The following MMP13 variants were observed in gnomAD, a reference collection of about 807,000 sequenced individuals.
MMP13 encodes the protein collagenase 3.
MMP13 carries 45 observed loss-of-function variants against 52.1 expected under a neutral mutation model. The observed-to-expected ratio is 0.86, with a 90% CI of 0.68 to 1.11. The LOEUF is 1.11. MMP13 is among the 50% of genes least tolerant of loss of function. The pLI, the probability that MMP13 is intolerant of heterozygous loss-of-function variation, is 0.00. For synonymous variants in MMP13, 200 were observed against 204.4 expected, an observed-to-expected ratio of 0.98 and a Z score of 0.18; for missense variants, 576 against 583.8, an observed-to-expected ratio of 0.99 and a Z score of 0.14.
In MMP13 at chr11:102,951,997, C is replaced by A. The variant is rs563747833; in HGVS notation, c.799+15G>T. 7 of 1,611,600 alleles carry A rather than the reference C, an allele frequency of 4.3e-6. No individual in the cohort carries two copies. The highest frequency in any genetic ancestry group is 5.9e-6 in the Non-Finnish European group (7 of 1,178,114). ...TTTTATAACTGATCATATTCTATTT[C>A]TATAACCGAGTTACCATAGAGAGAC... On this transcript the variant is annotated intron_variant, in intron 5 of 9. Coordinates refer to ENST00000260302, the MANE Select transcript of MMP13 (RefSeq NM_002427.4).
intron 4 of MMP13, among the ~76,000 whole-genome samples, chr11:102,953,857 T>G (rs1037356267): frequency 3.3e-5 from 5 of 152,184 alleles, no homozygotes; most frequent in African/African-American, 4.8e-5. Flanking sequence ...TGCCAAAAGG[T>G]AATTTGCAGT....
chr11:102,954,576 A>G lies in MMP13; in HGVS notation c.393T>C (p.His131=). The G allele has an allele frequency of 6.2e-7, 1 of 1,613,688 alleles. No individual in the cohort carries two copies. ...RIVNYTPDMT[H]SEVEKAFKKA... ...TTTTGAATGCCTTTTCGACTTCAGA[A>G]TGAGTCATATCAGGGGTGTAATTCA... The change falls in exon 3 of 10, where the codon CAT becomes CAC. Residue 131 remains histidine, a synonymous_variant. Coordinates refer to ENST00000260302, the MANE Select transcript of MMP13 (RefSeq NM_002427.4).
rs782694230 is a variant in MMP13, at chr11:102,945,664, C to T, written c.1297G>A (p.Ala433Thr). The T allele has an allele frequency of 1.9e-6, 3 of 1,596,150 alleles. No homozygotes were observed. In the South Asian group the frequency reaches 3.3e-5, roughly 18 times the overall value. ...DFPGIGDKVD[A>T]VYEKNGYIYF... ...TACTTACCATTTTTCTCATAGACAG[C>T]ATCTACTTTATCACCAATTCCTGGG... Residue 433 changes from alanine to threonine, a missense_variant, in exon 9 of 10, where the codon GCT becomes ACT. Physicochemically the swap from Ala to Thr is moderately conservative, Grantham distance 58 (BLOSUM62 0). Coordinates refer to ENST00000260302, the MANE Select transcript of MMP13 (RefSeq NM_002427.4).
In MMP13 at chr11:102,955,412, GC is replaced by G. The variant is rs1307433922; in HGVS notation, c.201del (p.Arg67SerfsTer11). ...CCGAAGAAAGACTGCATTTCTCGGA[GC>G]CTCTCAGTCATGGAGCTTGCTGCAT... ...KENAASSMTE[R>X]LREMQSFFGL... On this transcript the variant is annotated frameshift_variant, in exon 2 of 10. Transcript: ENST00000260302. LOFTEE classifies it high-confidence loss of function. The surrounding 1 kb of genome is among the most constrained non-coding windows in gnomAD (Gnocchi z 4.9). The G allele has an allele frequency of 1.2e-6, 2 of 1,613,960 alleles. No individual in the cohort carries two copies. Among genetic ancestry groups the G allele is most frequent in the Non-Finnish European group, 8.5e-7 (1 of 1,179,960 alleles).
Position 102,955,330 on chromosome 11 carries a change from C to G in MMP13, c.284G>C (p.Arg95Thr). Residue 95 changes from arginine (R) to threonine (T), a missense_variant, in exon 2 of 10, where the codon AGA becomes ACA. Physicochemically the swap from Arg to Thr is moderately conservative, Grantham distance 71. Transcript: ENST00000260302. This position sits in a 1 kb window ranked among gnomAD's most constrained non-coding sequence, Gnocchi z 4.9. ...DNTLDVMKKP[R>T]CGVPDVGEYN... is the part of the protein sequence containing the mutation. ...TTCACCCACATCAGGAACCCCGCATCTTGGCTTTTTCATGACATCTAAGGT... is the reference window on the plus strand; with the variant it reads ...TTCACCCACATCAGGAACCCCGCATGTTGGCTTTTTCATGACATCTAAGGT... 1 of 1,614,018 alleles carries G rather than the reference C, an allele frequency of 6.2e-7. No individual in the cohort carries two copies. Among genetic ancestry groups the G allele is most frequent in the Non-Finnish European group, 8.5e-7 (1 of 1,179,926 alleles).
In MMP13 at chr11:102,952,037, A is replaced by G. The variant is rs1192144782; in HGVS notation, c.774T>C (p.Asp258=). Residue 258 remains aspartate, a synonymous_variant, in exon 5 of 10, where the codon GAT becomes GAC. Coordinates refer to ENST00000260302, the MANE Select transcript of MMP13 (RefSeq NM_002427.4). The surrounding 1 kb of genome is among the most constrained non-coding windows in gnomAD (Gnocchi z 4.3). The part of the protein sequence containing the change: ...GKSHFMLPDD[D]VQGIQSLYGP... The stretch of plus-strand genomic sequence containing the variant: ...CATAGAGAGACTGGATCCCTTGTAC[A>G]TCGTCATCAGGAAGCATAAAGTGGC... 1.9e-6 allele frequency: 3 copies of G among 1,613,340 alleles called. No individual in the cohort carries two copies. The Admixed American group carries it at 5.0e-5, about 27-fold the overall frequency.
Position 102,949,102 on chromosome 11 carries a change from G to A in MMP13, c.974C>T (p.Ser325Leu). Residue 325 changes from serine to leucine, a missense_variant, in exon 7 of 10, where the codon TCA becomes TTA. Physicochemically the swap from Ser to Leu is moderately radical, Grantham distance 145. Coordinates refer to ENST00000260302, the MANE Select transcript of MMP13 (RefSeq NM_002427.4). This position sits in a 1 kb window ranked among gnomAD's most constrained non-coding sequence, Gnocchi z 4.2. ...QVDAELFLTK[S>L]FWPELPNRID... ...ACGGTTGGGAAGTTCTGGCCAAAAT[G>A]ATTTCGTTAAAAACAGCTCCGCATC... 2.5e-6 allele frequency: 4 copies of A among 1,613,816 alleles called. No homozygotes were observed. The highest frequency in any genetic ancestry group is 3.4e-6 in the Non-Finnish European group (4 of 1,179,826).
chr11:102,952,110 T>C lies in MMP13; in HGVS notation c.701A>G (p.Lys234Arg). The change falls in exon 5 of 10, where the codon AAG becomes AGG. Residue 234 changes from lysine (K) to arginine (R), a missense_variant. By Grantham distance (26) the Lys-to-Arg change is conservative. Coordinates refer to ENST00000260302, the MANE Select transcript of MMP13 (RefSeq NM_002427.4). The surrounding 1 kb of genome is among the most constrained non-coding windows in gnomAD (Gnocchi z 4.3). ...AGGAAACATGAGTGCTCCAGGGTCC[T>C]TGGAGTGGTCAAGACCTAAGGAGTG... Reference protein sequence around the residue: ...FGHSLGLDHSKDPGALMFPIY... With the variant: ...FGHSLGLDHSRDPGALMFPIY... The C allele has an allele frequency of 6.2e-7, 1 of 1,613,196 alleles. No individual in the cohort carries two copies. Among genetic ancestry groups the C allele is most frequent in the Non-Finnish European group, 8.5e-7 (1 of 1,179,390 alleles).
chr11:102,949,975 A>G lies in MMP13; in HGVS notation c.917+135T>C, dbSNP rs1860582389. ...ATCAGTCATTTATTTGATCTGAAAT[A>G]TGTAAATAAACTGCCTGCCCATTTT... On this transcript the variant is annotated intron_variant, in intron 6 of 9. Coordinates refer to ENST00000260302, the MANE Select transcript of MMP13 (RefSeq NM_002427.4). The surrounding 1 kb of genome is among the most constrained non-coding windows in gnomAD (Gnocchi z 4.2). 1 of 767,214 alleles carries G rather than the reference A, an allele frequency of 1.3e-6. No homozygotes were observed. The allele number at this position is 767,214 out of a possible 1,614,324, so 47.5% of individuals were successfully genotyped here.
chr11:102,948,883 T>C, intron 7 of MMP13, 142 bp downstream of exon 7: 1 of 1,142,094 alleles, frequency 8.8e-7, no homozygotes, highest in South Asian at 1.3e-5. Flanking sequence ...TTTCAGGTAC[T>C]TTCTGGCTTC....
chr11:102,946,380 G>T (rs1392921223), intron 8 of MMP13, among the ~76,000 whole-genome samples: 2 of 152,128 alleles, frequency 1.3e-5, no homozygotes, highest in African/African-American at 2.4e-5. Context: ...AGAGCTTTTT[G>T]AATATCTTGG....
intron 8 of MMP13, among the ~76,000 whole-genome samples, chr11:102,946,404 C>G (rs984868423): frequency 6.6e-6 from 1 of 152,088 alleles, no homozygotes; most frequent in South Asian, 2.1e-4. Flanking sequence ...TATGTTCCAA[C>G]AAGTAAAAGA....
Position 102,954,263 on chromosome 11 carries a change from G to A in MMP13, c.530C>T (p.Pro177Leu), listed in dbSNP as rs1342030737. The change falls in exon 4 of 10, where the codon CCA becomes CTA. Residue 177 changes from proline to leucine, a missense_variant. Transcript: ENST00000260302. ...CAGCAGGCCAGAGGGCCCATCAAATGGGTAGAAGTCGCCATGCTCTACACA... is the reference window on the plus strand; with the variant it reads ...CAGCAGGCCAGAGGGCCCATCAAATAGGTAGAAGTCGCCATGCTCTACACA... ...FGIKEHGDFY[P>L]FDGPSGLLAH... 6.2e-7 allele frequency: 1 copy of A among 1,613,562 alleles called. No individual in the cohort carries two copies. The highest frequency in any genetic ancestry group is 1.3e-5 in the African/African-American group (1 of 74,976).
chr11:102,945,627 G>A lies in MMP13; in HGVS notation c.1315+19C>T, dbSNP rs3758854. 0.056 allele frequency: 80,236 copies of A among 1,429,378 alleles called. 2,901 individuals carry two copies. Among genetic ancestry groups the A allele is most frequent in the African/African-American group, 0.15 (10,644 of 71,260 alleles). The allele number at this position is 1,429,378 out of a possible 1,614,324, so 88.5% of individuals were successfully genotyped here. ...CTACAGAAGCTCCTCTTTAAAGTCA[G>A]TGCAATGTAACTACTTACCATTTTT... On this transcript the variant is annotated intron_variant, in intron 9 of 9. Transcript: ENST00000260302.
chr11:102,944,386 G>C lies in MMP13; in HGVS notation c.1316-20C>G. The C allele has an allele frequency of 6.6e-7, 1 of 1,505,764 alleles. No homozygotes were observed. The highest frequency in any genetic ancestry group is 9.2e-7 in the Non-Finnish European group (1 of 1,082,304). The allele number at this position is 1,505,764 out of a possible 1,614,324, so 93.3% of individuals were successfully genotyped here. On this transcript the variant is annotated intron_variant, in intron 9 of 9. Transcript: ENST00000260302. ...TATAACCTATAAGAAAAAGCATAAA[G>C]ACAATTTCAGAGTTTGAAAATAATA...
chr11:102,953,674 A>G (rs1860648229), intron 4 of MMP13, among the ~76,000 whole-genome samples: 2 of 152,202 alleles, frequency 1.3e-5, no homozygotes, highest in Admixed American at 1.3e-4. Context: ...TGTTTACAAT[A>G]TATAGACAAG....
chr11:102,949,292 A>C lies in MMP13; in HGVS notation c.918-134T>G. On this transcript the variant is annotated intron_variant, in intron 6 of 9. Coordinates refer to ENST00000260302, the MANE Select transcript of MMP13 (RefSeq NM_002427.4). This position sits in a 1 kb window ranked among gnomAD's most constrained non-coding sequence, Gnocchi z 4.2. ...ACCTCCCACCTGTGAAGGGAAAAAA[A>C]ATTCCATTACCCTTTAAGCGCCAGT... 8.9e-7 allele frequency: 1 copy of C among 1,124,202 alleles called. No individual in the cohort carries two copies. Among genetic ancestry groups the C allele is most frequent in the Non-Finnish European group, 1.3e-6 (1 of 774,862 alleles). The allele number at this position is 1,124,202 out of a possible 1,614,324, so 69.6% of individuals were successfully genotyped here.
intron 5 of MMP13, 135 bp downstream of exon 5, chr11:102,951,877 T>A: frequency 1.2e-6 from 1 of 861,824 alleles, no homozygotes; most frequent in African/African-American, 1.7e-5. Context: ...ATTACAGTAT[T>A]ATGAAACCTT....
chr11:102,953,291 T>C (rs1431400074), intron 4 of MMP13, among the ~76,000 whole-genome samples: 1 of 152,196 alleles, frequency 6.6e-6, no homozygotes, highest in African/African-American at 2.4e-5. Context: ...TTCTTACCTG[T>C]GAAATACCCA....
Sources: gnomAD v4.1 joint callset for allele counts (sites outside exome capture counted in the v4.1 genomes callset) on GRCh38, gnomAD v4.1.1 for gene constraint, Gnocchi (gnomAD v3.1) non-coding constraint, MANE v1.5 for transcripts, NCBI Gene and HGNC (gene_info 2026-07-23, HGNC 2026-07-21) for gene names.